FMO4: variants seen among roughly 807,000 people sequenced by gnomAD.
FMO4 encodes dimethylaniline monooxygenase [N-oxide-forming] 4.
FMO4 carries 38 observed loss-of-function variants against 43.3 expected under a neutral mutation model. The ratio of observed to expected loss-of-function variants is 0.88; its 90% CI spans 0.68 to 1.15. FMO4 has a LOEUF of 1.15. FMO4 is among the 50% of genes most tolerant of loss of function. The pLI, the probability that FMO4 is intolerant of heterozygous loss-of-function variation, is 0.00. For synonymous variants in FMO4, 224 were observed against 232.2 expected, an observed-to-expected ratio of 0.96 and a Z score of 0.32; for missense variants, 631 against 663.3, an observed-to-expected ratio of 0.95 and a Z score of 0.54.
chr1:171,322,701 A>T (rs1308348881), intron 3 of FMO4, among the ~76,000 whole-genome samples: 1 of 152,080 alleles, frequency 6.6e-6, no homozygotes, highest in African/African-American at 2.4e-5. Context: ...AAAAATAAAA[A>T]AATTAGCCAG....
Position 171,334,632 on chromosome 1 carries a change from T to C in FMO4, c.1049T>C (p.Phe350Ser), listed in dbSNP as rs1663041456. The change falls in exon 8 of 10, where the codon TTT (phenylalanine) becomes TCT (serine). Residue 350 changes from phenylalanine (F) to serine (S), a missense_variant. Transcript: ENST00000367749. ...PLKSLCTKKI[F>S]LYKQVFPLNL... ...AAAAGCCTCTGTACAAAGAAGATAT[T>C]TCTATACAAGCAAGTCTTTCCCTTA... 1 of 1,613,498 alleles carries C rather than the reference T, an allele frequency of 6.2e-7. No homozygotes were observed. The highest frequency in any genetic ancestry group is 1.7e-4 in the Middle Eastern group (1 of 6,058).
chr1:171,338,793 T>A (rs1016767742), intron 9 of FMO4, among the ~76,000 whole-genome samples: 1 of 152,210 alleles, frequency 6.6e-6, no homozygotes, highest in Non-Finnish European at 1.5e-5. Context: ...TGAGGTTTTT[T>A]AATAATGTAT....
At chr1:171,331,885 G>T (rs1405897164) in intron 6 of FMO4, 103 bp downstream of exon 6, 5 of 988,732 alleles carry the variant, frequency 5.1e-6, no homozygotes, top group Non-Finnish European at 7.7e-6. Context: ...GCTAAATTAT[G>T]CAGACACACA....
At chr1:171,336,552 A>T (rs1392733330) in intron 8 of FMO4, among the ~76,000 whole-genome samples, 1 of 152,180 alleles carries the variant, frequency 6.6e-6, no homozygotes, top group Non-Finnish European at 1.5e-5. Flanking sequence ...GGCCCCTTCC[A>T]CACATGAGGC....
At chr1:171,331,609 T>A (rs1357355266) in intron 5 of FMO4, 31 bp from the exon 6 acceptor site, 3 of 1,610,242 alleles carry the variant, frequency 1.9e-6, no homozygotes, top group Admixed American at 1.7e-5. Context: ...CTTTAGACAT[T>A]TCAGACTTTC....
At chr1:171,325,053 G>A (rs755608102) in intron 5 of FMO4, among the ~76,000 whole-genome samples, 13 of 152,140 alleles carry the variant, frequency 8.5e-5, no homozygotes, top group Non-Finnish European at 1.6e-4. Context: ...CGGTTGCAGT[G>A]AGCAAAGATC....
At position 171,324,303 on chromosome 1, in the gene FMO4, G is replaced by A. The variant is rs1278127396; in HGVS notation, c.484+3G>A. ...TTTACCTTTGGAAGCCTTTCCTGGT[G>A]AGTCATTTCTACCTGAGACCATGCC... On this transcript the variant is annotated splice_donor_region_variant and intron_variant, in intron 5 of 9. Coordinates refer to ENST00000367749, the MANE Select transcript of FMO4 (RefSeq NM_002022.3). The A allele has an allele frequency of 4.4e-6, 7 of 1,601,478 alleles. No individual in the cohort carries two copies. The highest frequency in any genetic ancestry group is 2.2e-5 in the East Asian group (1 of 44,492).
intron 5 of FMO4, among the ~76,000 whole-genome samples, chr1:171,327,986 T>C (rs1662735488): frequency 6.6e-6 from 1 of 152,178 alleles, no homozygotes; most frequent in African/African-American, 2.4e-5. Context: ...GGCTAAATAA[T>C]TGTTAGCTAT....
chr1:171,315,841 C>G (rs1490301557), intron 1 of FMO4, among the ~76,000 whole-genome samples: 1 of 152,192 alleles, frequency 6.6e-6, no homozygotes, highest in African/African-American at 2.4e-5. Flanking sequence ...GTGTCACTAA[C>G]TAGGTCTCTA....
intron 5 of FMO4, among the ~76,000 whole-genome samples, chr1:171,326,874 A>G (rs901980469): frequency 4.6e-5 from 7 of 152,202 alleles, no homozygotes; most frequent in Admixed American, 2.0e-4. Context: ...TTTCTTTCCA[A>G]TATAAATTGA....
chr1:171,323,290 T>G (rs1662517283), intron 4 of FMO4, 98 bp downstream of exon 4: 1 of 754,770 alleles, frequency 1.3e-6, no homozygotes, highest in Non-Finnish European at 2.2e-6. Context: ...TTTATTGATT[T>G]TATCTCCAAA....
chr1:171,330,709 G>A (rs1571403950), intron 5 of FMO4, among the ~76,000 whole-genome samples: 3 of 152,148 alleles, frequency 2.0e-5, no homozygotes, highest in South Asian at 2.1e-4. Flanking sequence ...CCCATGACAC[G>A]TGAGAATTAG....
intron 1 of FMO4, among the ~76,000 whole-genome samples, chr1:171,314,879 C>T (rs2101867634): frequency 6.6e-6 from 1 of 152,288 alleles, no homozygotes; most frequent in East Asian, 1.9e-4. Context: ...ACCCAAGTCT[C>T]TCCATGTCTC....
intron 2 of FMO4, among the ~76,000 whole-genome samples, chr1:171,318,736 G>T (rs929468648): frequency 6.6e-6 from 1 of 152,148 alleles, no homozygotes; most frequent in Non-Finnish European, 1.5e-5. Context: ...CACTTACTAT[G>T]TAGCAGGCAC....
At position 171,341,706 on chromosome 1, in the gene FMO4, T is replaced by G; in HGVS notation, c.1544T>G (p.Leu515Ter). ...AAGCCTGCCTCCATGTCACATTATTTAAAAGCCTGGGGGGCACCTGTCCTA... is the reference window on the plus strand; with the variant it reads ...AAGCCTGCCTCCATGTCACATTATTGAAAAGCCTGGGGGGCACCTGTCCTA... The part of the protein sequence containing the change: ...SSKPASMSHY[L>*]KAWGAPVLLA... Residue 515 changes from leucine (L) to a stop codon, truncating the protein, a stop_gained, in exon 10 of 10, where the codon TTA (leucine) becomes TGA (stop). Transcript: ENST00000367749. LOFTEE classifies it low-confidence loss of function (END_TRUNC). 6.2e-7 allele frequency: 1 copy of G among 1,613,914 alleles called. No homozygotes were observed. The highest frequency in any genetic ancestry group is 8.5e-7 in the Non-Finnish European group (1 of 1,179,952).
At chr1:171,332,353 A>G (rs1004614356) in intron 6 of FMO4, among the ~76,000 whole-genome samples, 13 of 152,178 alleles carry the variant, frequency 8.5e-5, no homozygotes, top group Admixed American at 7.2e-4. Context: ...GAAAGAATAT[A>G]TTTTTATTTA....
chr1:171,316,717 A>G (rs889496862), intron 2 of FMO4, among the ~76,000 whole-genome samples: 3 of 152,150 alleles, frequency 2.0e-5, no homozygotes, highest in Admixed American at 6.5e-5. Flanking sequence ...AAAATGATGC[A>G]TTTTTTAATA....
intron 2 of FMO4, among the ~76,000 whole-genome samples, chr1:171,317,747 G>T (rs1277368442): frequency 6.6e-6 from 1 of 151,916 alleles, no homozygotes; most frequent in Non-Finnish European, 1.5e-5. Flanking sequence ...TTTCTATTAT[G>T]GTCAGTCTTG....
chr1:171,323,392 A>T (rs1035975108), intron 4 of FMO4, among the ~76,000 whole-genome samples, 200 bp downstream of exon 4: 1 of 152,164 alleles, frequency 6.6e-6, no homozygotes, highest in African/African-American at 2.4e-5. Context: ...GGACGGGTGC[A>T]GTGGCTCACA....
Sources: gnomAD v4.1 joint callset for allele counts (sites outside exome capture counted in the v4.1 genomes callset) on GRCh38, gnomAD v4.1.1 for gene constraint, MANE v1.5 for transcripts, NCBI Gene and HGNC (gene_info 2026-07-23, HGNC 2026-07-21) for gene names.